The following GRIA1 variants were observed in gnomAD, a reference collection of about 807,000 sequenced individuals.
GRIA1 encodes the protein glutamate ionotropic receptor AMPA type subunit 1.
Under a neutral mutation model 99.2 loss-of-function variants are expected in GRIA1, and 31 were observed. The ratio of observed to expected loss-of-function variants is 0.31; its 90% CI spans 0.23 to 0.42. The LOEUF (loss-of-function observed/expected upper bound fraction) is 0.42. GRIA1 is among the 10% of genes least tolerant of loss of function. The probability of loss-of-function intolerance (pLI) is 1.00; values close to 1 mark genes in which losing one functional copy is unlikely to be tolerated. For synonymous variants in GRIA1, 438 were observed against 432.4 expected, an observed-to-expected ratio of 1.01 and a Z score of -0.16; for missense variants, 782 against 1,157.5, an observed-to-expected ratio of 0.68 and a Z score of 4.71.
intron 2 of GRIA1, among the ~76,000 whole-genome samples, chr5:153,590,526 G>A (rs962336534): frequency 2.3e-5 from 3 of 131,788 alleles, no homozygotes; most frequent in Non-Finnish European, 4.9e-5. Flanking sequence ...GTGTGTGTGT[G>A]TGTGTGTGTG....
At chr5:153,711,179 A>G (rs1335203205) in intron 11 of GRIA1, among the ~76,000 whole-genome samples, 1 of 152,178 alleles carries the variant, frequency 6.6e-6, no homozygotes. Flanking sequence ...TTTAAATGCA[A>G]TGGAAGACCA....
chr5:153,718,641 G>A (rs1759830237), intron 11 of GRIA1, among the ~76,000 whole-genome samples: 1 of 152,148 alleles, frequency 6.6e-6, no homozygotes. Context: ...CTAGTACCTA[G>A]CACATACCAG....
chr5:153,624,042 A>G (rs1226105906), intron 2 of GRIA1, among the ~76,000 whole-genome samples: 1 of 152,240 alleles, frequency 6.6e-6, no homozygotes, highest in African/African-American at 2.4e-5. Flanking sequence ...CAAGTTAGTC[A>G]GTGCTTGGAA....
chr5:153,508,753 T>C (rs1755777815), intron 2 of GRIA1, among the ~76,000 whole-genome samples: 1 of 152,180 alleles, frequency 6.6e-6, no homozygotes, highest in Admixed American at 6.5e-5. Context: ...ACAAATAACA[T>C]CAAAATCTCA....
At chr5:153,545,749 T>C (rs1046266886) in intron 2 of GRIA1, among the ~76,000 whole-genome samples, 10 of 152,208 alleles carry the variant, frequency 6.6e-5, no homozygotes, top group African/African-American at 2.4e-4. Context: ...AGGCAGCAAC[T>C]GATTGGTCCC....
intron 2 of GRIA1, among the ~76,000 whole-genome samples, chr5:153,601,646 G>A (rs1169027276): frequency 1.3e-5 from 2 of 152,204 alleles, no homozygotes; most frequent in African/African-American, 4.8e-5. Context: ...CTAGTTCATG[G>A]CCAAGTGGCC....
At chr5:153,673,591 T>C (rs931834424) in intron 5 of GRIA1, among the ~76,000 whole-genome samples, 3 of 152,198 alleles carry the variant, frequency 2.0e-5, no homozygotes, top group Non-Finnish European at 4.4e-5. Context: ...TTAGTTCTGG[T>C]GCTCTCTCTG....
At chr5:153,514,627 G>A (rs903518030) in intron 2 of GRIA1, among the ~76,000 whole-genome samples, 31 of 152,138 alleles carry the variant, frequency 2.0e-4, no homozygotes, top group African/African-American at 7.5e-4. Flanking sequence ...ATCATGTGAT[G>A]CCTGCAGCTT....
intron 10 of GRIA1, among the ~76,000 whole-genome samples, chr5:153,700,775 TG>T (rs1758459480): frequency 6.6e-6 from 1 of 152,182 alleles, no homozygotes. Context: ...TGATAAATCT[TG>T]TTTCATATCA....
intron 2 of GRIA1, among the ~76,000 whole-genome samples, chr5:153,590,601 C>T (rs1371987026): frequency 2.0e-5 from 3 of 151,042 alleles, no homozygotes; most frequent in Non-Finnish European, 4.4e-5. Context: ...CTTTTTCCTA[C>T]AGGACTACTT....
intron 8 of GRIA1, among the ~76,000 whole-genome samples, chr5:153,690,389 C>T (rs985127096): frequency 5.3e-5 from 8 of 152,152 alleles, no homozygotes; most frequent in African/African-American, 1.9e-4. Context: ...TTACTAGGCA[C>T]ATGACCTTGA....
At chr5:153,777,966 A>G (rs1056671453) in intron 13 of GRIA1, among the ~76,000 whole-genome samples, 10 of 152,168 alleles carry the variant, frequency 6.6e-5, no homozygotes, top group Admixed American at 5.9e-4. Flanking sequence ...TGGTAACCCT[A>G]TGAACTCTGT....
intron 2 of GRIA1, among the ~76,000 whole-genome samples, chr5:153,547,129 T>A (rs1275761370): frequency 6.6e-6 from 1 of 152,194 alleles, no homozygotes; most frequent in Non-Finnish European, 1.5e-5. Context: ...TGAGGCCCAA[T>A]ACAAATTTGT....
chr5:153,601,473 A>G (rs982364010), intron 2 of GRIA1, among the ~76,000 whole-genome samples: 2 of 152,208 alleles, frequency 1.3e-5, no homozygotes, highest in African/African-American at 4.8e-5. Flanking sequence ...TTTTGCTGGG[A>G]CATGAAGGTC....
At chr5:153,662,225 T>C (rs772818056) in intron 5 of GRIA1, among the ~76,000 whole-genome samples, 17 of 152,184 alleles carry the variant, frequency 1.1e-4, no homozygotes, top group Non-Finnish European at 2.2e-4. Context: ...ATGTGGTTCT[T>C]ACAGCTGTCC....
In GRIA1 at chr5:153,604,586, T is replaced by C. The variant is rs145290265; in HGVS notation, c.221-42342T>C. On this transcript the variant is annotated intron_variant, in intron 2 of 15. Coordinates refer to ENST00000285900, the MANE Select transcript of GRIA1 (RefSeq NM_000827.4). ...CCAGGAATGCTCTTGTGCCCATCCC[T>C]AGCTCTATACACTGTCTCTCCAAAC... 1.0e-3 allele frequency among the ~76,000 whole-genome samples: 153 copies of C among 152,334 alleles called. 1 individual carries two copies. In the Middle Eastern group the frequency reaches 0.02, roughly 20 times the overall value.
intron 2 of GRIA1, among the ~76,000 whole-genome samples, chr5:153,535,473 AC>A (rs1312350899): frequency 1.3e-5 from 2 of 152,188 alleles, no homozygotes; most frequent in Non-Finnish European, 2.9e-5. Context: ...ATAGGCCAAA[AC>A]CCTATCACTT....
At chr5:153,695,233 A>G (rs1476763482) in intron 8 of GRIA1, among the ~76,000 whole-genome samples, 1 of 152,196 alleles carries the variant, frequency 6.6e-6, no homozygotes, top group African/African-American at 2.4e-5. Flanking sequence ...CTATCTGCAT[A>G]GTGTAAAGAT....
chr5:153,650,040 T>C (rs1754438494), intron 3 of GRIA1, among the ~76,000 whole-genome samples: 1 of 152,174 alleles, frequency 6.6e-6, no homozygotes, highest in Non-Finnish European at 1.5e-5. Context: ...CACTTTACCT[T>C]TGAAGAAACT....
Sources: gnomAD v4.1 joint callset for allele counts (sites outside exome capture counted in the v4.1 genomes callset) on GRCh38, gnomAD v4.1.1 for gene constraint, MANE v1.5 for transcripts, NCBI Gene and HGNC (gene_info 2026-07-23, HGNC 2026-07-21) for gene names.